Variants in ZBTB25 observed in about 807,000 individuals in gnomAD.
ZBTB25 encodes the protein zinc finger and BTB domain-containing protein 25.
ZBTB25 carries 20 observed loss-of-function variants against 34.2 expected under a neutral mutation model. The ratio of observed to expected loss-of-function variants is 0.58; its 90% CI spans 0.41 to 0.85. ZBTB25 has a LOEUF of 0.85. Ranked by LOEUF, ZBTB25 falls within the 40% of genes least tolerant of loss-of-function variation. The pLI is 0.00. For missense variants in ZBTB25, 437 were observed against 521.8 expected (o/e 0.84, Z 1.58); for synonymous variants, 175 against 186.4 (o/e 0.94, Z 0.50).
intron 2 of ZBTB25, chr14:64,458,619 C>T (rs2078512569): frequency 4.9e-6 from 2 of 411,438 alleles, no homozygotes; most frequent in South Asian, 4.4e-5. Context: ...TCTGCTGAAG[C>T]CCCAGGAGGC....
intron 2 of ZBTB25, chr14:64,467,406 A>T (rs1224951934): frequency 6.6e-6 from 1 of 152,350 alleles, no homozygotes; most frequent in South Asian, 2.1e-4. Flanking sequence ...ACTTCCAACT[A>T]TGTGCAGATT....
rs1002999874 is a variant in ZBTB25, at chr14:64,449,284, C to G, written c.*267G>C. On this transcript the variant is annotated 3_prime_UTR_variant, in exon 3 of 3. Transcript: ENST00000555220. ...GATTAGGTAACTGGCCAAAAGTCACCAGCTAGTAAGTTTCGGAGCTGAGAT... is the reference window on the plus strand; with the variant it reads ...GATTAGGTAACTGGCCAAAAGTCACGAGCTAGTAAGTTTCGGAGCTGAGAT... 10 of 767,868 alleles carry G rather than the reference C, an allele frequency of 1.3e-5. No individual in the cohort carries two copies. The Admixed American group carries it at 1.6e-4, about 12-fold the overall frequency. 47.6% of individuals were successfully genotyped at this position (767,868 alleles called of 1,614,324 possible). A position where few individuals can be genotyped will look rare whatever the true frequency, so the allele number is the denominator to read the frequency against.
chr14:64,454,098 A>G (rs2078423818), intron 2 of ZBTB25, among the ~76,000 whole-genome samples: 1 of 152,184 alleles, frequency 6.6e-6, no homozygotes, highest in Admixed American at 6.5e-5. Flanking sequence ...GTCTTACCAA[A>G]ATATTGAGAA....
intron 1 of ZBTB25, chr14:64,503,198 T>C: frequency 1.0e-6 from 1 of 985,434 alleles, no homozygotes. Context: ...GGGGGGGATG[T>C]CTTCTTGCCC....
Position 64,494,396 on chromosome 14 carries a change from G to A in ZBTB25, c.-7-3856C>T, listed in dbSNP as rs114807798. ...GCCTGTAATCCCAGCCCTTTGGGAG[G>A]ACAAGGTGAGTGGACCACTTGAGGC... On this transcript the variant is annotated intron_variant, in intron 1 of 2. Transcript: ENST00000608382. 4.3e-3 allele frequency among the ~76,000 whole-genome samples: 660 copies of A among 152,336 alleles called. 5 individuals are homozygous for A. Among genetic ancestry groups the A allele is most frequent in the African/African-American group, 0.015 (634 of 41,574 alleles).
intron 1 of ZBTB25, chr14:64,503,380 C>A (rs1259781753): frequency 1.0e-6 from 1 of 985,332 alleles, no homozygotes; most frequent in East Asian, 1.1e-4. Context: ...GACGGCTCTG[C>A]ACCTTCGCGG....
At position 64,488,206 on chromosome 14, in the gene ZBTB25, A is replaced by C; in HGVS notation, c.174-149T>G. ...AATAAAACATGGCAACAAAGGCTTA[A>C]ACTTTCATTTTATACCAACTTTATG... On this transcript the variant is annotated intron_variant, in intron 2 of 2. Coordinates refer to ENST00000608382, the MANE Select transcript of ZBTB25 (RefSeq NM_006977.5). The C allele has an allele frequency of 3.9e-6, 5 of 1,273,142 alleles. No individual in the cohort carries two copies. The South Asian group carries it at 7.9e-5, about 20-fold the overall frequency. 78.9% of individuals were successfully genotyped at this position (1,273,142 alleles called of 1,614,324 possible). A position where few individuals can be genotyped will look rare whatever the true frequency, so the allele number is the denominator to read the frequency against.
intron 1 of ZBTB25, among the ~76,000 whole-genome samples, chr14:64,500,987 G>C (rs1188502429): frequency 1.3e-5 from 2 of 152,200 alleles, no homozygotes; most frequent in African/African-American, 4.8e-5. Flanking sequence ...GGAGGCGGAG[G>C]CTGCAGTGAG....
At chr14:64,504,689 G>A, upstream of ZBTB25, 2 of 363,030 alleles carry the variant, frequency 5.5e-6, no homozygotes, top group African/African-American at 2.1e-5. Context: ...CGAACTGGTG[G>A]GCAGACCCGG....
intron 1 of ZBTB25, among the ~76,000 whole-genome samples, chr14:64,494,605 G>A (rs952868202): frequency 2.6e-5 from 4 of 152,006 alleles, no homozygotes; most frequent in African/African-American, 7.3e-5. Context: ...CTCCAGCCTG[G>A]GCAACAGAGC....
chr14:64,504,829 AGCGCCGC>A (rs1405994958), upstream of ZBTB25: 16 of 391,508 alleles, frequency 4.1e-5, no homozygotes, highest in East Asian at 4.0e-4. Context: ...CCGAGCGCCG[AGCGCCGC>A]GCGCCGCCGC....
In ZBTB25 at chr14:64,468,652, A is replaced by C. The variant is rs2230490; in HGVS notation, c.174-19014T>G. 8.3e-3 allele frequency: 13,325 copies of C among 1,613,966 alleles called. 927 individuals are homozygous for C. In the African/African-American group the frequency reaches 0.16, roughly 19 times the overall value. ...CCTGGGCCTCACTCAAACGTCTTGT[A>C]ACACGCAGGAAAAGGTCAGAGTCTT... On this transcript the variant is annotated intron_variant, in intron 2 of 2. Transcript: ENST00000555220.
rs149319880 is a variant in ZBTB25, at chr14:64,486,713, A to T, written c.*210T>A. On this transcript the variant is annotated 3_prime_UTR_variant, in exon 3 of 3. Coordinates refer to ENST00000608382, the MANE Select transcript of ZBTB25 (RefSeq NM_006977.5). ...TCTAAATTGTTATTTCGTTTGTGAA[A>T]AGTTCACAGTAGTAATTGAATGTTA... The T allele has an allele frequency of 1.2e-5, 14 of 1,204,318 alleles. No individual in the cohort carries two copies. The African/African-American group carries it at 1.3e-4, about 11-fold the overall frequency. The allele number at this position is 1,204,318 out of a possible 1,614,324, so 74.6% of individuals were successfully genotyped here. A position where few individuals can be genotyped will look rare whatever the true frequency, so the allele number is the denominator to read the frequency against.
chr14:64,454,813 C>G (rs745531146), intron 2 of ZBTB25: 8 of 1,614,216 alleles, frequency 5.0e-6, no homozygotes, highest in Non-Finnish European at 6.8e-6. Flanking sequence ...AGGCTTCATT[C>G]TGCCCATTCG....
intron 2 of ZBTB25, among the ~76,000 whole-genome samples, chr14:64,455,940 TGTACATCA>T (rs1306013631): frequency 2.6e-5 from 4 of 152,248 alleles, no homozygotes; most frequent in Non-Finnish European, 5.9e-5. Context: ...CTTGCTATGA[TGTACATCA>T]GTCTCCAGGA....
intron 2 of ZBTB25, chr14:64,469,540 T>C (rs776146472): frequency 3.7e-6 from 6 of 1,613,872 alleles, no homozygotes; most frequent in African/African-American, 2.7e-5. Context: ...GTTTTGAGGA[T>C]AGAACTTCAG....
downstream of ZBTB25, among the ~76,000 whole-genome samples, chr14:64,477,389 A>T (rs183107840): frequency 6.3e-4 from 96 of 152,340 alleles, no homozygotes; most frequent in African/African-American, 2.1e-3. Context: ...TTAAGATTTT[A>T]AAAAAAGGAC....
At chr14:64,469,771 T>TGA in intron 2 of ZBTB25, 2 of 925,276 alleles carry the variant, frequency 2.2e-6, no homozygotes, top group Admixed American at 2.9e-5. Flanking sequence ...AAATGAGAGA[T>TGA]TTATCATCTC....
In ZBTB25 at chr14:64,483,917, C is replaced by G. The variant is rs370839339; in HGVS notation, c.*3006G>C. The G allele has an allele frequency of 7.9e-6, 1 of 126,046 alleles. No homozygotes were observed. Among genetic ancestry groups the G allele is most frequent in the Non-Finnish European group, 1.6e-5 (1 of 63,972 alleles). The allele number at this position is 126,046 out of a possible 1,614,324, so 7.8% of individuals were successfully genotyped here. On this transcript the variant is annotated 3_prime_UTR_variant, in exon 3 of 3. Coordinates refer to ENST00000608382, the MANE Select transcript of ZBTB25 (RefSeq NM_006977.5). ...TGAGATTGCACCACTGCACTCCAGCCTGGCGACACAGCACGACTGTCTCAA... is the reference window on the plus strand; with the variant it reads ...TGAGATTGCACCACTGCACTCCAGCGTGGCGACACAGCACGACTGTCTCAA...
Sources: allele counts gnomAD v4.1 joint callset (sites outside exome capture counted in the v4.1 genomes callset), GRCh38; gene constraint gnomAD v4.1.1; transcripts MANE v1.5; gene names NCBI Gene and HGNC (gene_info 2026-07-23, HGNC 2026-07-21).